Variants in USH2A observed in about 807,000 individuals in gnomAD.
The protein encoded by USH2A is usherin, also known as Usher syndrome 2A (autosomal recessive, mild).
USH2A carries 443 observed loss-of-function variants against 538.9 expected under a neutral mutation model. The ratio of observed to expected loss-of-function variants is 0.82; its 90% CI spans 0.76 to 0.89. The LOEUF (loss-of-function observed/expected upper bound fraction) is 0.89, where lower values mean the gene tolerates loss of function less well. Ranked by LOEUF, USH2A falls within the 40% of genes least tolerant of loss-of-function variation. The pLI is 0.00. For missense variants in USH2A, 6,633 were observed against 6,324.8 expected, an observed-to-expected ratio of 1.05 and a Z score of -1.65; for synonymous variants, 2,413 against 2,273.5, an observed-to-expected ratio of 1.06 and a Z score of -1.75.
At chr1:216,416,231 G>A (rs768776297) in intron 3 of USH2A, among the ~76,000 whole-genome samples, 29 of 151,994 alleles carry the variant, frequency 1.9e-4, no homozygotes, top group Admixed American at 1.9e-3. Flanking sequence ...TCAGACTGTT[G>A]TCCAATATAA....
At chr1:216,015,470 A>G (rs1489894108) in intron 32 of USH2A, among the ~76,000 whole-genome samples, 2 of 152,142 alleles carry the variant, frequency 1.3e-5, no homozygotes, top group Admixed American at 1.3e-4. Context: ...CCTTTTCCTC[A>G]TAGGAGCCTT....
intron 37 of USH2A, among the ~76,000 whole-genome samples, chr1:215,956,314 A>G (rs73092442): frequency 0.15 from 22,709 of 152,226 alleles, 1,904 homozygotes; most frequent in African/African-American, 0.22. Flanking sequence ...GAACTTTATC[A>G]TGCATGTATT....
At chr1:215,731,561 A>G (rs2102716577) in intron 60 of USH2A, among the ~76,000 whole-genome samples, 1 of 152,298 alleles carries the variant, frequency 6.6e-6, no homozygotes, top group South Asian at 2.1e-4. Flanking sequence ...CAGGAATGTA[A>G]TTTTCCAACT....
chr1:216,263,914 G>A (rs1173264840), intron 11 of USH2A, among the ~76,000 whole-genome samples: 8 of 152,100 alleles, frequency 5.3e-5, no homozygotes, highest in Non-Finnish European at 8.8e-5. Context: ...TAAACTAAAC[G>A]AATAAAGTTG....
At chr1:215,947,137 G>A (rs140538132) in intron 37 of USH2A, among the ~76,000 whole-genome samples, 3,246 of 151,072 alleles carry the variant, frequency 0.021, 70 homozygotes, top group South Asian at 0.083. Context: ...CGCCTCTCAC[G>A]TTCAAGTGAT....
At chr1:216,321,753 T>C in intron 9 of USH2A, 130 bp downstream of exon 9, 1 of 800,728 alleles carries the variant, frequency 1.2e-6, no homozygotes, top group Non-Finnish European at 2.1e-6. Flanking sequence ...TCTGCAATAA[T>C]TGACATTTTA....
chr1:216,170,903 T>C (rs1015250229), intron 21 of USH2A, among the ~76,000 whole-genome samples: 12 of 152,120 alleles, frequency 7.9e-5, no homozygotes, highest in Non-Finnish European at 1.8e-4. Context: ...CTATTTGCTA[T>C]TTCTGTGTTG....
chr1:215,904,259 C>T lies in USH2A; in HGVS notation c.7301-3354G>A, dbSNP rs182302532. ...CCCTTATGTGTTAAAAACTACATTA[C>T]CTTTCTATTAAGACAGTAGGAAGAA... On this transcript the variant is annotated intron_variant, in intron 38 of 71. Coordinates refer to ENST00000307340, the MANE Select transcript of USH2A (RefSeq NM_206933.4). 3.0e-4 allele frequency among the ~76,000 whole-genome samples: 46 copies of T among 152,064 alleles called. No homozygotes were observed. In the Middle Eastern group the frequency reaches 0.014, roughly 45 times the overall value.
At chr1:216,170,882 G>T (rs1475701923) in intron 21 of USH2A, among the ~76,000 whole-genome samples, 2 of 152,052 alleles carry the variant, frequency 1.3e-5, no homozygotes, top group Non-Finnish European at 2.9e-5. Flanking sequence ...TTGCATATGG[G>T]AGGGGAGGCT....
At chr1:215,651,776 C>T (rs1386465377) in intron 64 of USH2A, among the ~76,000 whole-genome samples, 4 of 152,020 alleles carry the variant, frequency 2.6e-5, no homozygotes, top group Non-Finnish European at 5.9e-5. Flanking sequence ...TTTTTGTTTA[C>T]TTTGCTTTTG....
At chr1:216,318,023 A>G (rs970469576) in intron 9 of USH2A, among the ~76,000 whole-genome samples, 2 of 152,194 alleles carry the variant, frequency 1.3e-5, no homozygotes, top group African/African-American at 2.4e-5. Flanking sequence ...AAAATTCCTT[A>G]GGATGGCTAA....
At chr1:216,216,895 T>C (rs1419190834) in intron 15 of USH2A, among the ~76,000 whole-genome samples, 4 of 152,070 alleles carry the variant, frequency 2.6e-5, no homozygotes, top group Non-Finnish European at 5.9e-5. Context: ...ATTATTACAA[T>C]ATCGATAAAC....
chr1:216,346,697 C>T (rs374553229), intron 4 of USH2A, among the ~76,000 whole-genome samples: 2 of 151,306 alleles, frequency 1.3e-5, no homozygotes, highest in Admixed American at 1.3e-4. Context: ...TAAAATGGAA[C>T]CCTTAATTCC....
intron 35 of USH2A, among the ~76,000 whole-genome samples, chr1:215,973,340 T>C (rs369454612): frequency 6.6e-6 from 1 of 152,168 alleles, no homozygotes; most frequent in African/African-American, 2.4e-5. Context: ...CCCTTAAGTA[T>C]GAACTCTAAA....
At chr1:216,090,195 A>G (rs1403199698) in intron 22 of USH2A, among the ~76,000 whole-genome samples, 2 of 152,114 alleles carry the variant, frequency 1.3e-5, no homozygotes, top group African/African-American at 2.4e-5. Context: ...TAATTTTGCT[A>G]TGCTGTTTTT....
At chr1:215,809,377 T>A (rs2102789020) in intron 49 of USH2A, among the ~76,000 whole-genome samples, 1 of 152,224 alleles carries the variant, frequency 6.6e-6, no homozygotes, top group South Asian at 2.1e-4. Flanking sequence ...ATAATAAATG[T>A]TAATTGGTTT....
intron 4 of USH2A, among the ~76,000 whole-genome samples, chr1:216,339,868 C>T (rs1437735851): frequency 1.2e-4 from 18 of 151,782 alleles, no homozygotes; most frequent in Admixed American, 1.2e-3. Flanking sequence ...ACTAAATACC[C>T]ATATCAGAAA....
chr1:216,408,623 T>C (rs2039433710), intron 3 of USH2A, among the ~76,000 whole-genome samples: 3 of 152,214 alleles, frequency 2.0e-5, no homozygotes, highest in Admixed American at 2.0e-4. Flanking sequence ...TGATCTTTTC[T>C]CTTTCATTTG....
intron 38 of USH2A, chr1:215,901,590 T>C (rs1665503181): frequency 6.5e-6 from 1 of 154,902 alleles, no homozygotes; most frequent in South Asian, 2.0e-4. Flanking sequence ...GCATACCACT[T>C]TTTCTAGTCT....
Sources: allele counts gnomAD v4.1 joint callset (sites outside exome capture counted in the v4.1 genomes callset), GRCh38; gene constraint gnomAD v4.1.1; transcripts MANE v1.5; gene names NCBI Gene and HGNC (gene_info 2026-07-23, HGNC 2026-07-21).